The following RAPGEF4 variants were observed in gnomAD, a reference collection of about 807,000 sequenced individuals.
RAPGEF4 encodes Rap guanine nucleotide exchange factor 4.
Under a neutral mutation model 147.9 loss-of-function variants are expected in RAPGEF4, and 66 were observed. That is an observed-to-expected ratio of 0.45 (90% confidence interval 0.37 to 0.55). RAPGEF4 has a LOEUF of 0.55. RAPGEF4 is among the 20% of genes least tolerant of loss of function. The pLI is 0.00. For synonymous variants in RAPGEF4, 419 were observed against 442.7 expected (o/e 0.95, Z 0.67); for missense variants, 1,071 against 1,257.3 (o/e 0.85, Z 2.24).
intron 1 of RAPGEF4, among the ~76,000 whole-genome samples, chr2:172,747,160 G>A (rs943189493): frequency 2.6e-5 from 4 of 152,192 alleles, no homozygotes; most frequent in African/African-American, 4.8e-5. Flanking sequence ...TTGGGGCAGC[G>A]TTAGAACAGC....
intron 17 of RAPGEF4, among the ~76,000 whole-genome samples, chr2:173,005,520 G>GTTTTGT (rs1694356032): frequency 1.2e-5 from 1 of 86,736 alleles, no homozygotes; most frequent in African/African-American, 4.6e-5. Context: ...GTTGTTTTGT[G>GTTTTGT]TTTTTTTTTT....
In RAPGEF4 at chr2:172,782,847, A is replaced by G. The variant is rs1023544951; in HGVS notation, c.66-12178A>G. Among the ~76,000 whole-genome samples the G allele has an allele frequency of 3.9e-5, 6 of 152,152 alleles. No individual in the cohort carries two copies. In the South Asian group the frequency reaches 8.3e-4, roughly 21 times the overall value. ...TATTTTATGTGCTGTTTGGGATCCA[A>G]TAAGCATCCCCGTTTGGCTGGGGTC... On this transcript the variant is annotated intron_variant, in intron 1 of 30. Coordinates refer to ENST00000397081, the MANE Select transcript of RAPGEF4 (RefSeq NM_007023.4).
intron 6 of RAPGEF4, among the ~76,000 whole-genome samples, chr2:172,933,876 G>A (rs1402118232): frequency 6.6e-6 from 1 of 152,154 alleles, no homozygotes; most frequent in Non-Finnish European, 1.5e-5. Flanking sequence ...TAATGAATAG[G>A]TAGAGGGATG....
chr2:172,895,222 T>C (rs1430407849), intron 4 of RAPGEF4, among the ~76,000 whole-genome samples: 1 of 152,212 alleles, frequency 6.6e-6, no homozygotes, highest in East Asian at 1.9e-4. Flanking sequence ...TTCCGTGTCC[T>C]GTTCAGAGCC....
intron 1 of RAPGEF4, among the ~76,000 whole-genome samples, chr2:172,746,895 G>C (rs191762029): frequency 6.6e-6 from 1 of 152,170 alleles, no homozygotes; most frequent in African/African-American, 2.4e-5. Context: ...TTACAGGCTT[G>C]AGCCACTGCG....
chr2:173,026,557 C>T lies in RAPGEF4; in HGVS notation c.2254-15C>T, dbSNP rs769986823. 3 of 1,608,436 alleles carry T rather than the reference C, an allele frequency of 1.9e-6. No homozygotes were observed. The highest frequency in any genetic ancestry group is 2.2e-5 in the South Asian group (2 of 89,988). ...GTGTTGAGTTTCTGATATGTTTTTGCATTATTATTCATAGACTCCCTTACC... is the reference window on the plus strand; with the variant it reads ...GTGTTGAGTTTCTGATATGTTTTTGTATTATTATTCATAGACTCCCTTACC... On this transcript the variant is annotated splice_polypyrimidine_tract_variant and intron_variant, in intron 23 of 30. Coordinates refer to ENST00000397081, the MANE Select transcript of RAPGEF4 (RefSeq NM_007023.4).
chr2:172,744,716 A>G (rs1694621476), intron 1 of RAPGEF4, among the ~76,000 whole-genome samples: 3 of 152,224 alleles, frequency 2.0e-5, no homozygotes, highest in African/African-American at 7.2e-5. Context: ...ATGCCAGGAC[A>G]AAATTGAATA....
intron 30 of RAPGEF4, among the ~76,000 whole-genome samples, chr2:173,050,577 C>G (rs1686067473): frequency 6.6e-6 from 1 of 152,106 alleles, no homozygotes; most frequent in Admixed American, 6.5e-5. Context: ...GGGTCTGGCT[C>G]TGCCACTCCG....
intron 1 of RAPGEF4, among the ~76,000 whole-genome samples, chr2:172,752,963 G>A (rs904543917): frequency 8.5e-5 from 13 of 152,112 alleles, no homozygotes; most frequent in Non-Finnish European, 1.9e-4. Context: ...AACTTTAGAG[G>A]TTCATTTTAG....
At chr2:173,034,019 G>A in intron 27 of RAPGEF4, 55 bp downstream of exon 27, 1 of 1,514,496 alleles carries the variant, frequency 6.6e-7, no homozygotes, top group Non-Finnish European at 9.0e-7. Flanking sequence ...TCCAATTTCT[G>A]ATTAGCTGAA....
intron 6 of RAPGEF4, among the ~76,000 whole-genome samples, chr2:172,931,885 TTC>T (rs1459406300): frequency 1.3e-5 from 2 of 152,124 alleles, no homozygotes; most frequent in East Asian, 3.8e-4. Context: ...GCGTAAATGG[TTC>T]TGTCATTCAA....
rs1689088496 is a variant in RAPGEF4 at position 172,821,761 on chromosome 2, A to AAG, written c.444+7336_444+7337insAG. The AAG allele has an allele frequency of 4.6e-6, 5 of 1,087,738 alleles. No individual in the cohort carries two copies. In the South Asian group the frequency reaches 1.3e-4, roughly 27 times the overall value. 67.4% of individuals were successfully genotyped at this position (1,087,738 alleles called of 1,614,324 possible). ...TTAAAAAAAAAAAAAAAAAAAAAAAAGGAAGTGTTTTCTTATTGCCTTAGA... is the reference window on the plus strand; with the variant it reads ...TTAAAAAAAAAAAAAAAAAAAAAAAAAGGGAAGTGTTTTCTTATTGCCTTAGA... On this transcript the variant is annotated intron_variant, in intron 4 of 30. Coordinates refer to ENST00000397081, the MANE Select transcript of RAPGEF4 (RefSeq NM_007023.4).
intron 3 of RAPGEF4, among the ~76,000 whole-genome samples, chr2:172,813,201 G>A (rs1420098802): frequency 2.0e-5 from 3 of 152,246 alleles, no homozygotes; most frequent in East Asian, 1.9e-4. Flanking sequence ...GCCTATTATC[G>A]TATATTAGAT....
At chr2:172,780,875 A>G (rs934471817) in intron 1 of RAPGEF4, among the ~76,000 whole-genome samples, 1 of 152,210 alleles carries the variant, frequency 6.6e-6, no homozygotes, top group Admixed American at 6.5e-5. Context: ...TTTGATATAC[A>G]CCATCAAATT....
At chr2:172,926,372 G>A (rs1400095913) in intron 6 of RAPGEF4, among the ~76,000 whole-genome samples, 1 of 152,094 alleles carries the variant, frequency 6.6e-6, no homozygotes, top group African/African-American at 2.4e-5. Context: ...TGCTTATTGT[G>A]CTCCATACTT....
chr2:172,808,737 T>C (rs955999248), intron 3 of RAPGEF4, among the ~76,000 whole-genome samples: 4 of 152,180 alleles, frequency 2.6e-5, no homozygotes, highest in African/African-American at 9.7e-5. Context: ...ATACTGAGGC[T>C]CTGGGGAGCA....
chr2:172,881,831 A>T (rs183492361), intron 4 of RAPGEF4, among the ~76,000 whole-genome samples: 1 of 152,352 alleles, frequency 6.6e-6, no homozygotes, highest in East Asian at 1.9e-4. Flanking sequence ...AGAATTCATC[A>T]GTGGCCTTTA....
At chr2:172,739,407 T>C (rs193207803) in intron 1 of RAPGEF4, among the ~76,000 whole-genome samples, 1 of 152,180 alleles carries the variant, frequency 6.6e-6, no homozygotes, top group East Asian at 1.9e-4. Flanking sequence ...AGTCTCACTC[T>C]GTCACCCAGG....
At chr2:172,904,036 T>C (rs1278595086) in intron 4 of RAPGEF4, among the ~76,000 whole-genome samples, 1 of 152,188 alleles carries the variant, frequency 6.6e-6, no homozygotes, top group African/African-American at 2.4e-5. Flanking sequence ...TCATGGGCTA[T>C]TACTTTCTGT....
Sources: gnomAD v4.1 joint callset for allele counts (sites outside exome capture counted in the v4.1 genomes callset) on GRCh38, gnomAD v4.1.1 for gene constraint, MANE v1.5 for transcripts, NCBI Gene and HGNC (gene_info 2026-07-23, HGNC 2026-07-21) for gene names.